MEGF6: variants seen among roughly 807,000 people sequenced by gnomAD.
MEGF6 encodes multiple epidermal growth factor-like domains protein 6.
In MEGF6, 184 loss-of-function variants were observed where a neutral mutation model predicts 207.1. The ratio of observed to expected loss-of-function variants is 0.89; its 90% CI spans 0.79 to 1.00. The LOEUF is 1.00. Among genes scored for constraint, MEGF6 ranks in the 50% least tolerant of loss-of-function variants. The pLI, the probability that MEGF6 is intolerant of heterozygous loss-of-function variation, is 0.00. For missense variants in MEGF6, 2,282 were observed against 2,202.9 expected, an observed-to-expected ratio of 1.04 and a Z score of -0.72; for synonymous variants, 1,038 against 910.0, an observed-to-expected ratio of 1.14 and a Z score of -2.53.
Position 3,501,813 on chromosome 1 carries a change from C to T in MEGF6, c.2297G>A (p.Gly766Glu). The T allele has an allele frequency of 1.2e-6, 2 of 1,610,100 alleles. No individual in the cohort carries two copies. Among genetic ancestry groups the T allele is most frequent in the East Asian group, 2.2e-5 (1 of 44,782 alleles). ...GQCRCPPGRT[G>E]EDCEADCPEG... ...ACACTCACCTGCCTCACAGTCTTCC[C>T]CAGTCCTCCCCGGCGGACACCGGCA... The change falls in exon 18 of 37, where the codon GGG (glycine) becomes GAG (glutamate). Residue 766 changes from glycine (G) to glutamate (E), a missense_variant. Gly to Glu is a moderately conservative substitution (Grantham distance 98). Coordinates refer to ENST00000356575, the MANE Select transcript of MEGF6 (RefSeq NM_001409.4).
Position 3,490,974 on chromosome 1 carries a change from G to C in MEGF6, c.4517-15C>G. ...GAGGGGCCCACCTGGAGGGGAGAGA[G>C]AGCAGGCCATGTTAGTACCCCCAGC... On this transcript the variant is annotated splice_polypyrimidine_tract_variant and intron_variant, in intron 35 of 36. Transcript: ENST00000356575. The C allele has an allele frequency of 6.3e-7, 1 of 1,591,130 alleles. No individual in the cohort carries two copies. Among genetic ancestry groups the C allele is most frequent in the East Asian group, 2.2e-5 (1 of 44,702 alleles).
At chr1:3,585,916 TGTGA>T (rs1250147095) in intron 3 of MEGF6, among the ~76,000 whole-genome samples, 41 of 140,064 alleles carry the variant, frequency 2.9e-4, no homozygotes, top group South Asian at 1.4e-3. Flanking sequence ...TGTGTGTGGG[TGTGA>T]GTGACACATG....
At chr1:3,492,569 C>T (rs1421752140) in intron 35 of MEGF6, 70 bp downstream of exon 35, 2 of 1,584,176 alleles carry the variant, frequency 1.3e-6, no homozygotes, top group African/African-American at 1.3e-5. Flanking sequence ...GAGGGATCCT[C>T]TGCCAGGGTG....
At chr1:3,526,296 G>A (rs2101261058) in intron 4 of MEGF6, among the ~76,000 whole-genome samples, 1 of 152,280 alleles carries the variant, frequency 6.6e-6, no homozygotes, top group East Asian at 1.9e-4. Flanking sequence ...TATAGGAGGT[G>A]CCAGGAGAGG....
rs1640652851 is a variant in MEGF6, at chr1:3,497,306, A to G, written c.3408T>C (p.Pro1136=). The G allele has an allele frequency of 1.3e-6, 2 of 1,550,844 alleles. No individual in the cohort carries two copies. Among genetic ancestry groups the G allele is most frequent in the Non-Finnish European group, 8.7e-7 (1 of 1,152,786 alleles). The change falls in exon 27 of 37, where the codon CCT becomes CCC. Residue 1136 remains proline, a synonymous_variant. Coordinates refer to ENST00000356575, the MANE Select transcript of MEGF6 (RefSeq NM_001409.4). ...EACAQRCSCP[P]GAACHHVTGA... ...CAGTGACGTGGTGGCAGGCAGCGCCAGGCGGGCAGCTGCAGCGCTGGGCAC... is the reference window on the plus strand; with the variant it reads ...CAGTGACGTGGTGGCAGGCAGCGCCGGGCGGGCAGCTGCAGCGCTGGGCAC...
upstream of MEGF6, chr1:3,611,530 A>C: frequency 5.7e-6 from 2 of 352,314 alleles, no homozygotes; most frequent in East Asian, 5.0e-5. Context: ...AGAGCCTGGA[A>C]AGCCGCCACG....
chr1:3,593,303 A>G (rs1457695081), intron 3 of MEGF6, among the ~76,000 whole-genome samples: 1 of 152,112 alleles, frequency 6.6e-6, no homozygotes, highest in Non-Finnish European at 1.5e-5. Context: ...GTTACTGCTG[A>G]CGCAGGTGAA....
rs575139666 is a variant in MEGF6 at position 3,520,624 on chromosome 1, G to C, written c.604+3500C>G. 1.6e-4 allele frequency among the ~76,000 whole-genome samples: 24 copies of C among 152,240 alleles called. No homozygotes were observed. In the South Asian group the frequency reaches 5.0e-3, roughly 32 times the overall value. Reference sequence around the variant, plus strand: ...GGGCACACCAGGACTCGGCGGCCAGGGCAATGGGGCACACCAGGACTGGGC... The same window carrying C: ...GGGCACACCAGGACTCGGCGGCCAGCGCAATGGGGCACACCAGGACTGGGC... On this transcript the variant is annotated intron_variant, in intron 5 of 36. Coordinates refer to ENST00000356575, the MANE Select transcript of MEGF6 (RefSeq NM_001409.4).
chr1:3,612,517 C>T (rs1433688625), upstream of MEGF6, among the ~76,000 whole-genome samples: 2 of 152,116 alleles, frequency 1.3e-5, no homozygotes, highest in African/African-American at 2.4e-5. Context: ...TTTTGAATAG[C>T]GGAGGGAGGT....
At chr1:3,518,479 G>A (rs559642530) in intron 5 of MEGF6, among the ~76,000 whole-genome samples, 79 of 152,250 alleles carry the variant, frequency 5.2e-4, no homozygotes, top group African/African-American at 1.9e-3. Flanking sequence ...GTCTCTGCTC[G>A]AGGCGCAGCA....
intron 4 of MEGF6, among the ~76,000 whole-genome samples, chr1:3,542,087 A>C (rs2821064): frequency 0.039 from 5,948 of 151,956 alleles, 404 homozygotes; most frequent in African/African-American, 0.14. Context: ...CGCCTCCCCC[A>C]ACCCCCGGCT....
the MEGF6 span, among the ~76,000 whole-genome samples, chr1:3,617,020 A>G: frequency 6.6e-6 from 1 of 152,122 alleles, no homozygotes; most frequent in African/African-American, 2.4e-5. Context: ...CCAGACACAC[A>G]GGCCTGGGCT....
At chr1:3,518,401 G>C (rs962279111) in intron 5 of MEGF6, among the ~76,000 whole-genome samples, 18 of 152,164 alleles carry the variant, frequency 1.2e-4, no homozygotes, top group Admixed American at 1.3e-4. Context: ...CACCACCCAG[G>C]ATTCTGCCAA....
intron 4 of MEGF6, among the ~76,000 whole-genome samples, chr1:3,531,834 G>C (rs1048862044): frequency 1.3e-5 from 2 of 152,260 alleles, no homozygotes; most frequent in East Asian, 3.9e-4. Context: ...GGGGGCCGCG[G>C]GGCGGGGGAG....
chr1:3,499,784 G>T lies in MEGF6; in HGVS notation c.2836+12C>A. On this transcript the variant is annotated intron_variant, in intron 22 of 36. Transcript: ENST00000356575. ...GCCACCCAGCCTAGCCCCCGCCTGTGCCGTAGCTCACCATGCTCGCAGAAG... is the reference window on the plus strand; with the variant it reads ...GCCACCCAGCCTAGCCCCCGCCTGTTCCGTAGCTCACCATGCTCGCAGAAG... The T allele has an allele frequency of 6.4e-7, 1 of 1,568,096 alleles. No homozygotes were observed. Among genetic ancestry groups the T allele is most frequent in the South Asian group, 1.2e-5 (1 of 85,714 alleles).
intron 2 of MEGF6, 31 bp downstream of exon 2, chr1:3,602,435 C>G: frequency 6.2e-7 from 1 of 1,612,688 alleles, no homozygotes; most frequent in Non-Finnish European, 8.5e-7. Flanking sequence ...GTGAATGGAG[C>G]CCCTCCCCCA....
intron 4 of MEGF6, among the ~76,000 whole-genome samples, chr1:3,554,745 T>TGACA (rs1642985769): frequency 6.6e-6 from 1 of 152,168 alleles, no homozygotes; most frequent in Admixed American, 6.5e-5. Flanking sequence ...AGGACATGAG[T>TGACA]GACAGCATTC....
At chr1:3,498,263 C>G (rs940586103) in intron 26 of MEGF6, 108 bp downstream of exon 26, 2 of 1,359,472 alleles carry the variant, frequency 1.5e-6, no homozygotes, top group Non-Finnish European at 2.0e-6. Flanking sequence ...GACAACAGGT[C>G]CCCTGGTGAG....
rs555119430 is a variant in MEGF6, at chr1:3,586,646, G to A, written c.377-6717C>T. ...GGGGGCCAGCTCAGCCAATTCCCAC[G>A]CTGGGACTCGGGGCTGGCATGCGGC... On this transcript the variant is annotated intron_variant, in intron 3 of 36. Coordinates refer to ENST00000356575, the MANE Select transcript of MEGF6 (RefSeq NM_001409.4). Among the ~76,000 whole-genome samples, 241 of 152,296 alleles carry A rather than the reference G, an allele frequency of 1.6e-3. 1 individual carries two copies. Among genetic ancestry groups the A allele is most frequent in the African/African-American group, 5.4e-3 (226 of 41,548 alleles).
Sources: allele counts gnomAD v4.1 joint callset (sites outside exome capture counted in the v4.1 genomes callset), GRCh38; gene constraint gnomAD v4.1.1; transcripts MANE v1.5; gene names NCBI Gene and HGNC (gene_info 2026-07-23, HGNC 2026-07-21).